Variants in RSU1 observed in about 807,000 individuals in gnomAD.
RSU1 encodes Ras suppressor protein 1, also known as rsu-1.
RSU1 carries 26 observed loss-of-function variants against 31.1 expected under a neutral mutation model. The ratio of observed to expected loss-of-function variants is 0.84; its 90% confidence interval spans 0.61 to 1.16. The LOEUF (loss-of-function observed/expected upper bound fraction) is 1.16. Ranked by LOEUF, RSU1 falls within the 50% of genes most tolerant of loss-of-function variation. The probability of loss-of-function intolerance (pLI) is 0.00; values close to 1 mark genes in which losing one functional copy is unlikely to be tolerated. For missense variants in RSU1, 320 were observed against 339.1 expected (o/e 0.94, Z 0.44); for synonymous variants, 164 against 136.3 (o/e 1.20, Z -1.41).
At chr10:16,644,404 C>T (rs530260033) in intron 8 of RSU1, among the ~76,000 whole-genome samples, 4 of 152,326 alleles carry the variant, frequency 2.6e-5, no homozygotes, top group South Asian at 4.1e-4. Context: ...TTACACATTA[C>T]GTGAGTGGCA....
intron 6 of RSU1, 27 bp from the exon 7 acceptor site, chr10:16,752,680 C>T (rs1227717679): frequency 6.6e-7 from 1 of 1,515,576 alleles, no homozygotes; most frequent in Admixed American, 1.7e-5. Flanking sequence ...AAGTTGTCAA[C>T]ATATTTACAC....
chr10:16,668,033 T>C (rs11254137), intron 8 of RSU1, among the ~76,000 whole-genome samples: 37,958 of 152,116 alleles, frequency 0.25, 4,863 homozygotes, highest in South Asian at 0.33. Flanking sequence ...ACTGGTAGAC[T>C]AGGACTGAGC....
chr10:16,692,669 G>A (rs1835584575), intron 8 of RSU1, among the ~76,000 whole-genome samples: 1 of 152,124 alleles, frequency 6.6e-6, no homozygotes, highest in South Asian at 2.1e-4. Flanking sequence ...CTGCTAATTT[G>A]TGACTATATT....
At chr10:16,775,119 C>T (rs1371603720) in intron 3 of RSU1, among the ~76,000 whole-genome samples, 1 of 152,200 alleles carries the variant, frequency 6.6e-6, no homozygotes, top group African/African-American at 2.4e-5. Context: ...CTTAGTGTAT[C>T]TCCTCTATCA....
intron 2 of RSU1, among the ~76,000 whole-genome samples, chr10:16,813,209 G>T (rs1838446707): frequency 1.3e-5 from 2 of 152,094 alleles, no homozygotes; most frequent in African/African-American, 4.8e-5. Context: ...GAGAATGTGT[G>T]TGCAAATTAC....
chr10:16,615,229 C>T (rs1410564372), intron 8 of RSU1, among the ~76,000 whole-genome samples: 1 of 151,776 alleles, frequency 6.6e-6, no homozygotes, highest in African/African-American at 2.4e-5. Flanking sequence ...GCAGGGGTTG[C>T]AATTCTAGTC....
At chr10:16,732,128 TG>T (rs1260616133) in intron 7 of RSU1, among the ~76,000 whole-genome samples, 1 of 152,228 alleles carries the variant, frequency 6.6e-6, no homozygotes, top group East Asian at 1.9e-4. Context: ...AAAGCAGTTC[TG>T]ATGAGTGCTC....
At chr10:16,780,489 T>G (rs1334145176) in intron 3 of RSU1, among the ~76,000 whole-genome samples, 1 of 152,140 alleles carries the variant, frequency 6.6e-6, no homozygotes, top group Non-Finnish European at 1.5e-5. Flanking sequence ...GCAATCCTCC[T>G]ACCTCAGCCT....
At position 16,592,591 on chromosome 10, in the gene RSU1, A is replaced by C. The variant is rs1833527488; in HGVS notation, c.*803T>G. On this transcript the variant is annotated 3_prime_UTR_variant, in exon 9 of 9. Transcript: ENST00000345264. ...GAGGTTTTTTCTCTCTCTCTTTCACAGTTCTTGTCTACCAGCCCCTGGCAG... is the reference window on the plus strand; with the variant it reads ...GAGGTTTTTTCTCTCTCTCTTTCACCGTTCTTGTCTACCAGCCCCTGGCAG... The C allele has an allele frequency of 6.6e-6, 1 of 152,152 alleles. No homozygotes were observed. The highest frequency in any genetic ancestry group is 2.4e-5 in the African/African-American group (1 of 41,424). The allele number at this position is 152,152 out of a possible 1,614,324, so 9.4% of individuals were successfully genotyped here. A position where few individuals can be genotyped will look rare whatever the true frequency, so the allele number is the denominator to read the frequency against.
At chr10:16,672,141 AC>A (rs1174201391) in intron 8 of RSU1, among the ~76,000 whole-genome samples, 2,600 of 115,830 alleles carry the variant, frequency 0.022, 78 homozygotes, top group African/African-American at 0.1. Context: ...TACTAAAAAT[AC>A]AAAAAAAAAA....
At position 16,754,897 on chromosome 10, in the gene RSU1, G is replaced by A; in HGVS notation, c.374C>T (p.Ser125Phe). 5 of 1,611,886 alleles carry A rather than the reference G, an allele frequency of 3.1e-6. No individual in the cohort carries two copies. Among genetic ancestry groups the A allele is most frequent in the African/African-American group, 1.3e-5 (1 of 74,852 alleles). Residue 125 changes from serine to phenylalanine, a missense_variant, in exon 5 of 9, where the codon TCT becomes TTT. Physicochemically the swap from Ser to Phe is radical, Grantham distance 155 (BLOSUM62 -2). Transcript: ENST00000345264. ...CAGGTAGAAGAAGTTTCCAGGAAGA[G>A]AATTTTCGCTCAAGTTGTTGTACGT... ...DLTYNNLSEN[S>F]LPGNFFYLTT...
At chr10:16,652,564 A>C (rs184784258) in intron 8 of RSU1, among the ~76,000 whole-genome samples, 1 of 152,262 alleles carries the variant, frequency 6.6e-6, no homozygotes, top group Non-Finnish European at 1.5e-5. Context: ...ACACAAACAC[A>C]CACACACACA....
chr10:16,625,767 C>T (rs1423143588), intron 8 of RSU1, among the ~76,000 whole-genome samples: 1 of 152,198 alleles, frequency 6.6e-6, no homozygotes, highest in African/African-American at 2.4e-5. Flanking sequence ...CACACCCATC[C>T]TCTTGAGGGC....
At chr10:16,640,725 C>A (rs577265214) in intron 8 of RSU1, among the ~76,000 whole-genome samples, 1 of 152,214 alleles carries the variant, frequency 6.6e-6, no homozygotes, top group African/African-American at 2.4e-5. Context: ...CATTCCTTCA[C>A]CTGGTTAGCT....
intron 8 of RSU1, among the ~76,000 whole-genome samples, chr10:16,603,349 CA>C (rs1248782089): frequency 3.3e-5 from 5 of 152,144 alleles, no homozygotes; most frequent in African/African-American, 1.2e-4. Context: ...AGGATTCTGG[CA>C]GAGCAAAACT....
rs1408320363 is a variant in RSU1, at chr10:16,646,067, C to T, written c.731+48956G>A. Among the ~76,000 whole-genome samples the T allele has an allele frequency of 7.5e-4, 76 of 100,990 alleles. 13 individuals carry two copies. Among genetic ancestry groups the T allele is most frequent in the South Asian group, 1.5e-3 (5 of 3,244 alleles). 66.3% of individuals were successfully genotyped at this position (100,990 alleles called of 152,430 possible). On this transcript the variant is annotated intron_variant, in intron 8 of 8. Transcript: ENST00000345264. Reference sequence around the variant, plus strand: ...ATATATGTGTATATATATATACACACACACACACACACACACACACACATA... The same window carrying T: ...ATATATGTGTATATATATATACACATACACACACACACACACACACACATA...
chr10:16,748,015 T>C (rs907415410), intron 7 of RSU1, among the ~76,000 whole-genome samples: 6 of 152,318 alleles, frequency 3.9e-5, no homozygotes, highest in Admixed American at 2.0e-4. Flanking sequence ...GCCTGGGTGA[T>C]CACATGAGAC....
rs963104909 is a variant in RSU1 at position 16,595,420 on chromosome 10, C to T, written c.732-1924G>A. 2.6e-5 allele frequency among the ~76,000 whole-genome samples: 4 copies of T among 152,270 alleles called. No individual in the cohort carries two copies. The South Asian group carries it at 6.2e-4, about 24-fold the overall frequency. On this transcript the variant is annotated intron_variant, in intron 8 of 8. Transcript: ENST00000345264. ...CAGGTTCCATCGGCGGTCACTCTCA[C>T]GGAGTGTAGAACACAGGGTTCAGAG...
In RSU1 at chr10:16,764,402, T is replaced by C; in HGVS notation, c.269A>G (p.His90Arg). The stretch of plus-strand genomic sequence containing the variant: ...CACTGATACTCACCCAAGGTTCAGG[T>C]GTTTGAGTTTCTGAAGGCTACTGAT... Reference protein sequence around the residue: ...TQISSLQKLKHLNLGMNRLNT... With the variant: ...TQISSLQKLKRLNLGMNRLNT... The change falls in exon 4 of 9, where the codon CAC becomes CGC. Residue 90 changes from histidine (H) to arginine (R), a missense_variant. His to Arg is a conservative substitution (Grantham distance 29, BLOSUM62 0). Coordinates refer to ENST00000345264, the MANE Select transcript of RSU1 (RefSeq NM_012425.4). The C allele has an allele frequency of 6.2e-7, 1 of 1,613,066 alleles. No homozygotes were observed. The highest frequency in any genetic ancestry group is 8.5e-7 in the Non-Finnish European group (1 of 1,179,484).
Sources: gnomAD v4.1 joint callset for allele counts (sites outside exome capture counted in the v4.1 genomes callset) on GRCh38, gnomAD v4.1.1 for gene constraint, MANE v1.5 for transcripts, NCBI Gene and HGNC (gene_info 2026-07-23, HGNC 2026-07-21) for gene names.